Variants in DPYSL2 observed in about 807,000 individuals in gnomAD.
DPYSL2 encodes dihydropyrimidinase-related protein 2.
A neutral mutation model predicts 69.9 loss-of-function variants in DPYSL2; 13 were observed. The ratio of observed to expected loss-of-function variants is 0.19; its 90% confidence interval spans 0.12 to 0.30. The LOEUF (loss-of-function observed/expected upper bound fraction) is 0.30. Among genes scored for constraint, DPYSL2 ranks in the 10% least tolerant of loss-of-function variants. DPYSL2 has a pLI of 1.00. For synonymous variants in DPYSL2, 326 were observed against 359.1 expected, an observed-to-expected ratio of 0.91 and a Z score of 1.04; for missense variants, 587 against 918.9, an observed-to-expected ratio of 0.64 and a Z score of 4.67.
rs974529301 is a variant in DPYSL2, at chr8:26,591,411, C to T, written c.628+7428C>T. ...GAAAGCTTCCACGACACACATGTGT[C>T]TAAGTGTGCCCTTGTCCTATGTCCT... is the stretch of plus-strand genomic sequence containing the variant. On this transcript the variant is annotated intron_variant, in intron 3 of 13. Transcript: ENST00000521913. This position sits in a 1 kb window ranked among gnomAD's most constrained non-coding sequence, Gnocchi z 5.8. Among the ~76,000 whole-genome samples the T allele has an allele frequency of 6.6e-6, 1 of 152,168 alleles. No individual in the cohort carries two copies. The highest frequency in any genetic ancestry group is 2.4e-5 in the African/African-American group (1 of 41,430).
In DPYSL2 at chr8:26,614,566, A is replaced by T. The variant is rs1802305815; in HGVS notation, c.629-9577A>T. Reference sequence around the variant, plus strand: ...TCCTCCAAAGTTGGCCGATCACCAGATCACTTAAAGGAGGTTGTTTGTTTT... The same window carrying T: ...TCCTCCAAAGTTGGCCGATCACCAGTTCACTTAAAGGAGGTTGTTTGTTTT... On this transcript the variant is annotated intron_variant, in intron 3 of 13. Coordinates refer to ENST00000521913, the MANE Select transcript of DPYSL2 (RefSeq NM_001197293.3). The surrounding 1 kb of genome is among the most constrained non-coding windows in gnomAD (Gnocchi z 4.9). Among the ~76,000 whole-genome samples, 1 of 152,188 alleles carries T rather than the reference A, an allele frequency of 6.6e-6. No homozygotes were observed. The highest frequency in any genetic ancestry group is 1.5e-5 in the Non-Finnish European group (1 of 68,032).
At chr8:26,536,061 A>G (rs1011737121) in intron 1 of DPYSL2, among the ~76,000 whole-genome samples, 1 of 150,350 alleles carries the variant, frequency 6.7e-6, no homozygotes, top group African/African-American at 2.4e-5. Context: ...GGCTGGCACT[A>G]CAGGTACATG....
At position 26,624,363 on chromosome 8, in the gene DPYSL2, T is replaced by G. The variant is rs184097365; in HGVS notation, c.793+56T>G. On this transcript the variant is annotated intron_variant, in intron 4 of 13. Transcript: ENST00000521913. The surrounding 1 kb of genome is among the most constrained non-coding windows in gnomAD (Gnocchi z 4.7). ...GATGTTTCCGCTTCAGTCCATCAAC[T>G]GGCACAGCCCTGGGAAGAAAGTGAT... The G allele has an allele frequency of 6.3e-7, 1 of 1,587,050 alleles. No individual in the cohort carries two copies. Among genetic ancestry groups the G allele is most frequent in the Admixed American group, 1.7e-5 (1 of 59,138 alleles).
Position 26,619,842 on chromosome 8 carries a change from C to T in DPYSL2, c.629-4301C>T, listed in dbSNP as rs1802441208. On this transcript the variant is annotated intron_variant, in intron 3 of 13. Coordinates refer to ENST00000521913, the MANE Select transcript of DPYSL2 (RefSeq NM_001197293.3). The surrounding 1 kb of genome is among the most constrained non-coding windows in gnomAD (Gnocchi z 4.8). ...AAGTGCTGGGATTATAGGCATGCGC[C>T]ACTGCACCTGGCCAGAACCTGTGTT... The T allele has an allele frequency of 6.6e-6, 1 of 152,350 alleles. No individual in the cohort carries two copies. The highest frequency in any genetic ancestry group is 1.9e-4 in the East Asian group (1 of 5,192). The allele number at this position is 152,350 out of a possible 1,614,324, so 9.4% of individuals were successfully genotyped here. A position where few individuals can be genotyped will look rare whatever the true frequency, so the allele number is the denominator to read the frequency against.
chr8:26,629,425 C>T (rs746155981), intron 7 of DPYSL2, among the ~76,000 whole-genome samples: 8 of 152,344 alleles, frequency 5.3e-5, no homozygotes, highest in Middle Eastern at 3.4e-3. Flanking sequence ...AAGACACTTT[C>T]AGTAGCATTT....
intron 10 of DPYSL2, among the ~76,000 whole-genome samples, chr8:26,645,441 A>G (rs1803141249): frequency 6.6e-6 from 1 of 151,878 alleles, no homozygotes; most frequent in South Asian, 2.1e-4. Context: ...CATACATACT[A>G]TTTTGTAGTC....
intron 1 of DPYSL2, among the ~76,000 whole-genome samples, chr8:26,536,306 G>A (rs1800591664): frequency 6.6e-6 from 1 of 151,528 alleles, no homozygotes; most frequent in Non-Finnish European, 1.5e-5. Flanking sequence ...CAAACTTCTG[G>A]GCTCAGCCTC....
chr8:26,622,478 G>A (rs867003031), intron 3 of DPYSL2, among the ~76,000 whole-genome samples: 1 of 92,772 alleles, frequency 1.1e-5, no homozygotes, highest in Non-Finnish European at 2.2e-5. Context: ...GTGTGTATAT[G>A]TGTGTGTGTG....
At position 26,562,650 on chromosome 8, in the gene DPYSL2, CG is replaced by C. The variant is rs35682262; in HGVS notation, c.355-19317del. Among the ~76,000 whole-genome samples the C allele has an allele frequency of 6.6e-6, 1 of 152,158 alleles. No individual in the cohort carries two copies. The highest frequency in any genetic ancestry group is 2.4e-5 in the African/African-American group (1 of 41,420). On this transcript the variant is annotated intron_variant, in intron 1 of 13. Transcript: ENST00000521913. The surrounding 1 kb of genome is among the most constrained non-coding windows in gnomAD (Gnocchi z 4.9). The stretch of plus-strand genomic sequence containing the variant: ...TGGTCCCTGCCTGCTGCTTTAACTT[CG>C]GTTGTACAAAGCAGATGTTACTGTG...
At chr8:26,584,613 C>CTTTTTTT (rs35587383) in intron 3 of DPYSL2, among the ~76,000 whole-genome samples, 26 of 100,138 alleles carry the variant, frequency 2.6e-4, no homozygotes, top group East Asian at 5.4e-4. Context: ...GGGCTTTGTG[C>CTTTTTTT]TTTTTTTTTT....
intron 3 of DPYSL2, among the ~76,000 whole-genome samples, chr8:26,616,819 G>T (rs745639439): frequency 6.6e-6 from 1 of 150,954 alleles, no homozygotes; most frequent in African/African-American, 2.4e-5. Context: ...TGCTCCATGG[G>T]TATAACCCCA....
rs1802574983 is a variant in DPYSL2, at chr8:26,624,574, G to C, written c.793+267G>C. Reference sequence around the variant, plus strand: ...TGTTCTTAGGTGACAGCTGCTCACAGCTTATTGGTTTGTGAGCACCGTGCT... The same window carrying C: ...TGTTCTTAGGTGACAGCTGCTCACACCTTATTGGTTTGTGAGCACCGTGCT... On this transcript the variant is annotated intron_variant, in intron 4 of 13. Transcript: ENST00000521913. The surrounding 1 kb of genome is among the most constrained non-coding windows in gnomAD (Gnocchi z 4.7). 6.6e-6 allele frequency among the ~76,000 whole-genome samples: 1 copy of C among 152,168 alleles called. No individual in the cohort carries two copies. The highest frequency in any genetic ancestry group is 2.4e-5 in the African/African-American group (1 of 41,438).
chr8:26,599,001 G>T (rs144897933), intron 3 of DPYSL2, among the ~76,000 whole-genome samples: 4 of 152,208 alleles, frequency 2.6e-5, no homozygotes, highest in African/African-American at 7.2e-5. Flanking sequence ...GTTCTCTACC[G>T]AAAAGCTCAC....
intron 8 of DPYSL2, among the ~76,000 whole-genome samples, chr8:26,636,853 G>A (rs918124329): frequency 6.6e-5 from 10 of 152,044 alleles, no homozygotes; most frequent in Admixed American, 3.9e-4. Flanking sequence ...CGATTCTCCC[G>A]CCTCAGCCTC....
intron 1 of DPYSL2, among the ~76,000 whole-genome samples, chr8:26,539,833 C>T (rs1338027524): frequency 1.3e-5 from 2 of 152,192 alleles, no homozygotes; most frequent in Admixed American, 1.3e-4. Flanking sequence ...CCAGCCAACA[C>T]CCTCACACCC....
At position 26,655,982 on chromosome 8, in the gene DPYSL2, T is replaced by TA. The variant is rs1447627148; in HGVS notation, c.*277dup. ...CATACAGGGAACCACACCCAACACT[T>TA]AGACATGCGAACAAGCAGCCCCCAG... On this transcript the variant is annotated 3_prime_UTR_variant, in exon 14 of 14. Transcript: ENST00000521913. The TA allele has an allele frequency of 1.2e-5, 4 of 326,794 alleles. No homozygotes were observed. Among genetic ancestry groups the TA allele is most frequent in the Non-Finnish European group, 2.2e-5 (4 of 180,630 alleles). The allele number at this position is 326,794 out of a possible 1,614,324, so 20.2% of individuals were successfully genotyped here.
intron 1 of DPYSL2, among the ~76,000 whole-genome samples, chr8:26,529,025 A>G (rs1427601779): frequency 6.6e-6 from 1 of 152,152 alleles, no homozygotes; most frequent in Non-Finnish European, 1.5e-5. Context: ...TGGTTTGCAT[A>G]TGAAAGACAT....
At chr8:26,574,299 T>C (rs1296265529) in intron 1 of DPYSL2, among the ~76,000 whole-genome samples, 1 of 152,138 alleles carries the variant, frequency 6.6e-6, no homozygotes, top group Non-Finnish European at 1.5e-5. Flanking sequence ...ACTGTGTGCG[T>C]GCACCCATTG....
intron 3 of DPYSL2, among the ~76,000 whole-genome samples, chr8:26,615,545 G>A (rs1416969880): frequency 6.6e-6 from 1 of 151,410 alleles, no homozygotes; most frequent in Non-Finnish European, 1.5e-5. Context: ...TGACTCCCTT[G>A]GAGGAAGAGG....
Sources: allele counts gnomAD v4.1 joint callset (sites outside exome capture counted in the v4.1 genomes callset), GRCh38; gene constraint gnomAD v4.1.1; non-coding constraint Gnocchi (gnomAD v3.1); transcripts MANE v1.5; gene names NCBI Gene and HGNC (gene_info 2026-07-23, HGNC 2026-07-21).